DIP2B: variants seen among roughly 807,000 people sequenced by gnomAD.
DIP2B encodes the protein disco-interacting protein 2 homolog B.
Under a neutral mutation model 198.0 loss-of-function variants are expected in DIP2B, and 76 were observed. The observed-to-expected ratio is 0.38, with a 90% CI of 0.32 to 0.46. The LOEUF (loss-of-function observed/expected upper bound fraction) is 0.46, where lower values mean the gene tolerates loss of function less well. Among genes scored for constraint, DIP2B ranks in the 20% least tolerant of loss-of-function variants. DIP2B has a pLI of 0.99. For missense variants in DIP2B, 1,559 were observed against 1,978.4 expected (o/e 0.79, Z 4.02); for synonymous variants, 701 against 739.1 (o/e 0.95, Z 0.84).
rs199573290 is a variant in DIP2B at position 50,722,249 on chromosome 12, GTTTGTTTAT to G, written c.3166+857_3166+865del. Among the ~76,000 whole-genome samples the G allele has an allele frequency of 3.7e-3, 491 of 131,620 alleles. 3 individuals are homozygous for G. The highest frequency in any genetic ancestry group is 0.013 in the African/African-American group (468 of 34,956). 86.3% of individuals were successfully genotyped at this position (131,620 alleles called of 152,430 possible). A position where few individuals can be genotyped will look rare whatever the true frequency, so the allele number is the denominator to read the frequency against. On this transcript the variant is annotated intron_variant, in intron 26 of 37. Transcript: ENST00000301180. Reference sequence around the variant, plus strand: ...TTCTGTGATTTTTTTTTGTTTGTTTGTTTGTTTATTTTATTTTATTTTATTTTATTTTAT... The same window carrying G: ...TTCTGTGATTTTTTTTTGTTTGTTTGTTTATTTTATTTTATTTTATTTTAT...
chr12:50,700,663 T>G (rs1939401693), intron 19 of DIP2B, among the ~76,000 whole-genome samples: 1 of 152,178 alleles, frequency 6.6e-6, no homozygotes, highest in Admixed American at 6.5e-5. Flanking sequence ...CTAAAATGGC[T>G]TATATCACTT....
At chr12:50,704,327 C>G (rs1440155674) in intron 20 of DIP2B, 107 bp downstream of exon 20, 1 of 1,008,020 alleles carries the variant, frequency 9.9e-7, no homozygotes, top group African/African-American at 1.7e-5. Context: ...TACAGAACCA[C>G]TTCACTTATA....
At chr12:50,683,834 G>A (rs1479093360) in intron 10 of DIP2B, among the ~76,000 whole-genome samples, 1 of 152,074 alleles carries the variant, frequency 6.6e-6, no homozygotes, top group Non-Finnish European at 1.5e-5. Flanking sequence ...TGGGGCAACT[G>A]GACATGGTGG....
intron 1 of DIP2B, among the ~76,000 whole-genome samples, chr12:50,617,981 T>G (rs1045904719): frequency 6.6e-6 from 1 of 152,168 alleles, no homozygotes; most frequent in African/African-American, 2.4e-5. Context: ...TTGCATCTGA[T>G]TTAGGGGCCA....
chr12:50,659,112 G>C (rs903992935), intron 3 of DIP2B, among the ~76,000 whole-genome samples: 2 of 152,086 alleles, frequency 1.3e-5, no homozygotes, highest in African/African-American at 2.4e-5. Flanking sequence ...ACTTACATAG[G>C]CTACCTTAAA....
chr12:50,690,630 C>T (rs2139547444), intron 12 of DIP2B, among the ~76,000 whole-genome samples: 1 of 152,282 alleles, frequency 6.6e-6, no homozygotes, highest in South Asian at 2.1e-4. Flanking sequence ...AGCAAATAGG[C>T]CATTCGTTTC....
intron 1 of DIP2B, among the ~76,000 whole-genome samples, chr12:50,615,454 T>G (rs1937682393): frequency 1.3e-5 from 2 of 152,208 alleles, no homozygotes; most frequent in South Asian, 4.1e-4. Context: ...GCCCTTAGCA[T>G]CCAAAGGCAC....
intron 1 of DIP2B, among the ~76,000 whole-genome samples, chr12:50,545,476 A>G (rs1246404023): frequency 6.6e-6 from 1 of 150,814 alleles, no homozygotes; most frequent in Non-Finnish European, 1.5e-5. Flanking sequence ...CTTGAGCTCA[A>G]GTGATCATCT....
At chr12:50,712,297 C>G (rs1262274508) in intron 22 of DIP2B, among the ~76,000 whole-genome samples, 2 of 152,056 alleles carry the variant, frequency 1.3e-5, no homozygotes, top group Non-Finnish European at 2.9e-5. Flanking sequence ...AACCTCCTAA[C>G]TAGTATTAAC....
rs1205573765 is a variant in DIP2B at position 50,741,545 on chromosome 12, TC to T, written c.4478+9del. 4.3e-6 allele frequency: 7 copies of T among 1,611,552 alleles called. No homozygotes were observed. The highest frequency in any genetic ancestry group is 5.9e-6 in the Non-Finnish European group (7 of 1,178,630). On this transcript the variant is annotated splice_region_variant and intron_variant, in intron 37 of 37. Transcript: ENST00000301180. ...CACAGAAGCATTGCTGAATGGTAAC[TC>T]CCTCAGCATACACTGTGCTTCCCAC...
At chr12:50,663,521 A>G (rs1938691148) in intron 4 of DIP2B, among the ~76,000 whole-genome samples, 1 of 151,156 alleles carries the variant, frequency 6.6e-6, no homozygotes, top group Admixed American at 6.6e-5. Flanking sequence ...GCGCCACTGC[A>G]TTCCAGCCTG....
At chr12:50,608,701 A>G (rs927622256) in intron 1 of DIP2B, among the ~76,000 whole-genome samples, 7 of 152,186 alleles carry the variant, frequency 4.6e-5, no homozygotes, top group Non-Finnish European at 1.5e-5. Context: ...AACTAGTTCA[A>G]CACTCTTAAT....
intron 2 of DIP2B, among the ~76,000 whole-genome samples, chr12:50,636,725 G>A (rs2139482575): frequency 1.3e-5 from 2 of 152,308 alleles, no homozygotes; most frequent in South Asian, 4.1e-4. Flanking sequence ...CATGGAGGAG[G>A]AGCCAGGTAC....
In DIP2B at chr12:50,562,331, C is replaced by T. The variant is rs145329248; in HGVS notation, c.100+57091C>T. On this transcript the variant is annotated intron_variant, in intron 1 of 37. Coordinates refer to ENST00000301180, the MANE Select transcript of DIP2B (RefSeq NM_173602.3). ...GAGGGGAGGTTATTTAGGTCTCTTC[C>T]GTATATAGGGTTGGAGCAAATGCTT... Among the ~76,000 whole-genome samples, 454 of 151,950 alleles carry T rather than the reference C, an allele frequency of 3.0e-3. 6 individuals are homozygous for T. The highest frequency in any genetic ancestry group is 0.01 in the African/African-American group (429 of 41,446).
intron 1 of DIP2B, among the ~76,000 whole-genome samples, chr12:50,531,359 A>G (rs1030904231): frequency 2.6e-5 from 4 of 152,170 alleles, no homozygotes. Flanking sequence ...AGGAGAGCAT[A>G]TTGAGTGAGC....
chr12:50,726,641 G>A (rs189584883), intron 28 of DIP2B, among the ~76,000 whole-genome samples: 34 of 150,152 alleles, frequency 2.3e-4, no homozygotes, highest in Non-Finnish European at 3.3e-4. Flanking sequence ...GTGAGCCACC[G>A]CACCTGGCCA....
chr12:50,580,873 C>G (rs753713477), intron 1 of DIP2B, among the ~76,000 whole-genome samples: 1 of 149,108 alleles, frequency 6.7e-6, no homozygotes, highest in Non-Finnish European at 1.5e-5. Context: ...ACACAGCACC[C>G]TCCATCAACA....
intron 2 of DIP2B, among the ~76,000 whole-genome samples, chr12:50,631,664 C>G (rs1206115884): frequency 6.6e-6 from 1 of 151,992 alleles, no homozygotes; most frequent in East Asian, 1.9e-4. Flanking sequence ...AACTCTTGGC[C>G]TCAACTGATC....
chr12:50,740,974 C>T (rs867735057), intron 36 of DIP2B, among the ~76,000 whole-genome samples: 4 of 152,142 alleles, frequency 2.6e-5, no homozygotes, highest in Non-Finnish European at 4.4e-5. Context: ...TCTGCCCCTC[C>T]GAACCTCATG....
Sources: gnomAD v4.1 joint callset for allele counts (sites outside exome capture counted in the v4.1 genomes callset) on GRCh38, gnomAD v4.1.1 for gene constraint, MANE v1.5 for transcripts, NCBI Gene and HGNC (gene_info 2026-07-23, HGNC 2026-07-21) for gene names.